PCNX2: variants seen among roughly 807,000 people sequenced by gnomAD.
PCNX2 encodes pecanex-like protein 2.
In PCNX2, 168 loss-of-function variants were observed where a neutral mutation model predicts 223.8. The ratio of observed to expected loss-of-function variants is 0.75; its 90% CI spans 0.66 to 0.85. The LOEUF is 0.85. PCNX2 is among the 40% of genes least tolerant of loss of function. PCNX2 has a pLI of 0.00. For synonymous variants in PCNX2, 1,006 were observed against 1,052.6 expected, an observed-to-expected ratio of 0.96 and a Z score of 0.86; for missense variants, 2,507 against 2,675.5, an observed-to-expected ratio of 0.94 and a Z score of 1.39.
At chr1:233,191,834 C>A (rs1680435313) in intron 15 of PCNX2, among the ~76,000 whole-genome samples, 1 of 152,174 alleles carries the variant, frequency 6.6e-6, no homozygotes, top group African/African-American at 2.4e-5. Context: ...TCTGCAGCAA[C>A]TCCTGCTGTC....
chr1:233,056,985 CTTGA>C (rs1162707809), intron 24 of PCNX2, among the ~76,000 whole-genome samples: 1 of 152,016 alleles, frequency 6.6e-6, no homozygotes, highest in African/African-American at 2.4e-5. Flanking sequence ...ACTAAAATGT[CTTGA>C]TTAACAGGGG....
At chr1:233,046,130 CT>C (rs1671816044) in intron 25 of PCNX2, among the ~76,000 whole-genome samples, 1 of 152,192 alleles carries the variant, frequency 6.6e-6, no homozygotes, top group African/African-American at 2.4e-5. Context: ...GAGTGTATTT[CT>C]CATTTTCTGA....
intron 15 of PCNX2, among the ~76,000 whole-genome samples, chr1:233,190,013 T>A (rs1680328226): frequency 6.6e-6 from 1 of 152,174 alleles, no homozygotes; most frequent in South Asian, 2.1e-4. Flanking sequence ...AAATTTTCTT[T>A]CCCTAATTAA....
chr1:233,034,787 G>A (rs1671394873), intron 25 of PCNX2, among the ~76,000 whole-genome samples: 1 of 152,182 alleles, frequency 6.6e-6, no homozygotes. Flanking sequence ...CTTCCTGGCT[G>A]GGAGGCCTGG....
At chr1:233,156,657 C>T (rs185470576) in intron 19 of PCNX2, among the ~76,000 whole-genome samples, 363 of 152,268 alleles carry the variant, frequency 2.4e-3, no homozygotes, top group African/African-American at 8.2e-3. Context: ...GTGGCTCATG[C>T]TTGTAATCCC....
At chr1:233,156,413 T>C (rs1490663387) in intron 19 of PCNX2, among the ~76,000 whole-genome samples, 2 of 152,184 alleles carry the variant, frequency 1.3e-5, no homozygotes, top group African/African-American at 4.8e-5. Flanking sequence ...GATGGTTACA[T>C]TAAACGCAGT....
At chr1:233,229,031 A>C (rs1164376103) in intron 9 of PCNX2, among the ~76,000 whole-genome samples, 1 of 152,176 alleles carries the variant, frequency 6.6e-6, no homozygotes, top group African/African-American at 2.4e-5. Context: ...GGACTTCTAC[A>C]TTTGTCTTTG....
In PCNX2 at chr1:233,064,030, T is replaced by A. The variant is rs190905952; in HGVS notation, c.4077-6740A>T. ...TTAGTTTTATTTCTTCTTATACAAC[T>A]TTTTATTCTAAATATATATATGATT... On this transcript the variant is annotated intron_variant, in intron 23 of 33. Coordinates refer to ENST00000258229, the MANE Select transcript of PCNX2 (RefSeq NM_014801.4). Among the ~76,000 whole-genome samples the A allele has an allele frequency of 4.2e-4, 64 of 152,256 alleles. 1 individual carries two copies. The East Asian group carries it at 0.011, about 27-fold the overall frequency.
Position 233,133,819 on chromosome 1 carries a change from C to T in PCNX2, c.3837+1194G>A, listed in dbSNP as rs1303751572. Among the ~76,000 whole-genome samples, 4 of 152,098 alleles carry T rather than the reference C, an allele frequency of 2.6e-5. No individual in the cohort carries two copies. The East Asian group carries it at 7.7e-4, about 29-fold the overall frequency. On this transcript the variant is annotated intron_variant, in intron 21 of 33. Transcript: ENST00000258229. ...AGGCTGCAGTGAGCAATAATTATGC[C>T]ACTGCACTCCAGCCTGTGAGTGGCA...
intron 12 of PCNX2, among the ~76,000 whole-genome samples, chr1:233,210,060 T>G (rs1323827184): frequency 6.6e-6 from 1 of 152,222 alleles, no homozygotes. Flanking sequence ...TTAAAAGTCT[T>G]TAGCCTTTAA....
At chr1:233,131,541 CTCTT>C (rs962246255) in intron 21 of PCNX2, among the ~76,000 whole-genome samples, 1 of 152,160 alleles carries the variant, frequency 6.6e-6, no homozygotes, top group African/African-American at 2.4e-5. Context: ...CACAAACACT[CTCTT>C]TCTTTCACTA....
chr1:233,217,873 C>T, intron 12 of PCNX2, 26 bp downstream of exon 12: 2 of 1,613,462 alleles, frequency 1.2e-6, no homozygotes, highest in Non-Finnish European at 1.7e-6. Context: ...ACAAGAAAAG[C>T]TACTTGCCTG....
chr1:233,050,580 G>A (rs952765154), intron 25 of PCNX2, among the ~76,000 whole-genome samples: 4 of 152,146 alleles, frequency 2.6e-5, no homozygotes, highest in Non-Finnish European at 5.9e-5. Flanking sequence ...TAAGCAATGG[G>A]GAAAGGGCTC....
At chr1:233,304,255 T>G in the PCNX2 span, among the ~76,000 whole-genome samples, 202 of 152,278 alleles carry the variant, frequency 1.3e-3, 1 homozygote, top group African/African-American at 4.0e-3. Context: ...TGGGGTAGTA[T>G]TATTTTGTGT....
chr1:233,218,188 T>C lies in PCNX2; in HGVS notation c.2505-4A>G, dbSNP rs1371015031. ...ATTCTCCTTGATGTCTTCAGTTCTG[T>C]GCAAAATATATACATAAAAGCAAAA... On this transcript the variant is annotated splice_region_variant and splice_polypyrimidine_tract_variant and intron_variant, in intron 10 of 33. Coordinates refer to ENST00000258229, the MANE Select transcript of PCNX2 (RefSeq NM_014801.4). The C allele has an allele frequency of 9.7e-7, 1 of 1,030,394 alleles. No homozygotes were observed. The highest frequency in any genetic ancestry group is 1.3e-6 in the Non-Finnish European group (1 of 768,204). 63.8% of individuals were successfully genotyped at this position (1,030,394 alleles called of 1,614,324 possible). A position where few individuals can be genotyped will look rare whatever the true frequency, so the allele number is the denominator to read the frequency against.
At chr1:233,277,408 T>C (rs1660971397) in intron 1 of PCNX2, among the ~76,000 whole-genome samples, 1 of 152,202 alleles carries the variant, frequency 6.6e-6, no homozygotes. Flanking sequence ...AAGCTTTTCA[T>C]TGTCAAGACC....
intron 21 of PCNX2, among the ~76,000 whole-genome samples, chr1:233,104,213 A>G (rs1674643802): frequency 6.6e-6 from 1 of 152,156 alleles, no homozygotes; most frequent in African/African-American, 2.4e-5. Flanking sequence ...ATCTCAGTAA[A>G]TGTAAACAGA....
At chr1:233,243,832 T>TA (rs1321089068) in intron 8 of PCNX2, among the ~76,000 whole-genome samples, 10 of 148,180 alleles carry the variant, frequency 6.7e-5, no homozygotes, top group Admixed American at 6.6e-4. Flanking sequence ...CTTTATTTTT[T>TA]ATTTTTTATT....
At chr1:233,125,460 T>C (rs1403204103) in intron 21 of PCNX2, among the ~76,000 whole-genome samples, 5 of 152,194 alleles carry the variant, frequency 3.3e-5, no homozygotes, top group African/African-American at 9.7e-5. Flanking sequence ...AACACTCACA[T>C]GCACCAGTAT....
Sources: allele counts gnomAD v4.1 joint callset (sites outside exome capture counted in the v4.1 genomes callset), GRCh38; gene constraint gnomAD v4.1.1; transcripts MANE v1.5; gene names NCBI Gene and HGNC (gene_info 2026-07-23, HGNC 2026-07-21).